The following KCNT2 variants were observed in gnomAD, a reference collection of about 807,000 sequenced individuals.
KCNT2 encodes the protein potassium sodium-activated channel subfamily T member 2, also known as potassium channel subfamily T member 2.
In KCNT2, 67 loss-of-function variants were observed where a neutral mutation model predicts 153.8. That is an observed-to-expected ratio of 0.44 (90% CI 0.36 to 0.53). The LOEUF (loss-of-function observed/expected upper bound fraction) is 0.53, where lower values mean the gene tolerates loss of function less well. Among genes scored for constraint, KCNT2 ranks in the 20% least tolerant of loss-of-function variants. The pLI is 0.00. For synonymous variants in KCNT2, 500 were observed against 458.8 expected, an observed-to-expected ratio of 1.09 and a Z score of -1.15; for missense variants, 975 against 1,354.8, an observed-to-expected ratio of 0.72 and a Z score of 4.40.
At chr1:196,228,682 A>T (rs888685740) in intron 27 of KCNT2, among the ~76,000 whole-genome samples, 1 of 152,074 alleles carries the variant, frequency 6.6e-6, no homozygotes, top group African/African-American at 2.4e-5. Context: ...TTTATGATTA[A>T]GTATGCTGTT....
At chr1:196,359,615 T>A (rs983342016) in intron 14 of KCNT2, among the ~76,000 whole-genome samples, 5 of 151,868 alleles carry the variant, frequency 3.3e-5, no homozygotes, top group Non-Finnish European at 7.4e-5. Context: ...TTGAATGAAA[T>A]TACAACCTCA....
intron 13 of KCNT2, among the ~76,000 whole-genome samples, chr1:196,391,585 G>C (rs542613391): frequency 3.4e-4 from 52 of 151,362 alleles, no homozygotes; most frequent in African/African-American, 1.1e-3. Context: ...GTCATAAGTG[G>C]CCCACAAGAA....
chr1:196,535,446 C>G (rs1456025507), intron 1 of KCNT2, among the ~76,000 whole-genome samples: 2 of 152,138 alleles, frequency 1.3e-5, no homozygotes, highest in African/African-American at 4.8e-5. Flanking sequence ...TTAATAATGA[C>G]AATTGAAAAT....
intron 23 of KCNT2, among the ~76,000 whole-genome samples, chr1:196,284,248 A>AAAAATAT: frequency 7.0e-4 from 7 of 10,048 alleles, no homozygotes; most frequent in African/African-American, 8.2e-4. Flanking sequence ...AAAAAAAAAA[A>AAAAATAT]ATATATATAT....
At chr1:196,266,392 C>A (rs1657543813) in intron 25 of KCNT2, among the ~76,000 whole-genome samples, 1 of 152,142 alleles carries the variant, frequency 6.6e-6, no homozygotes, top group Non-Finnish European at 1.5e-5. Context: ...AAATACAGGG[C>A]AAATAAATAT....
chr1:196,526,901 C>T (rs192409698), intron 1 of KCNT2, among the ~76,000 whole-genome samples: 1 of 152,258 alleles, frequency 6.6e-6, no homozygotes, highest in African/African-American at 2.4e-5. Flanking sequence ...ATGCCTCAGA[C>T]TAGTACCAGT....
chr1:196,351,061 A>G (rs1006817791), intron 14 of KCNT2, among the ~76,000 whole-genome samples: 2 of 152,108 alleles, frequency 1.3e-5, no homozygotes, highest in African/African-American at 4.8e-5. Context: ...CCACTGATCT[A>G]TATCTCTGTT....
intron 25 of KCNT2, among the ~76,000 whole-genome samples, chr1:196,263,696 C>T (rs1657246479): frequency 6.6e-6 from 1 of 152,094 alleles, no homozygotes; most frequent in East Asian, 1.9e-4. Context: ...ATCAAATTAT[C>T]TATTAAGAGA....
chr1:196,519,132 A>T (rs953382331), intron 1 of KCNT2, among the ~76,000 whole-genome samples: 1 of 152,182 alleles, frequency 6.6e-6, no homozygotes, highest in African/African-American at 2.4e-5. Flanking sequence ...ATCAAGAATA[A>T]AGAAAAAAAT....
At chr1:196,605,712 A>G (rs1665243099) in intron 1 of KCNT2, among the ~76,000 whole-genome samples, 1 of 152,164 alleles carries the variant, frequency 6.6e-6, no homozygotes, top group Non-Finnish European at 1.5e-5. Context: ...GTAATTGCAA[A>G]GAGGAATTTG....
intron 23 of KCNT2, among the ~76,000 whole-genome samples, chr1:196,284,248 A>AT (rs1553271464): frequency 1.0e-4 from 1 of 10,050 alleles, no homozygotes; most frequent in African/African-American, 1.4e-4. Flanking sequence ...AAAAAAAAAA[A>AT]ATATATATAT....
chr1:196,408,653 T>C (rs1435175797), intron 12 of KCNT2, among the ~76,000 whole-genome samples: 1 of 151,648 alleles, frequency 6.6e-6, no homozygotes, highest in African/African-American at 2.4e-5. Context: ...GGGTTACTTA[T>C]GGATGTTTTG....
intron 5 of KCNT2, among the ~76,000 whole-genome samples, chr1:196,478,297 A>G (rs2148694777): frequency 6.6e-6 from 1 of 152,324 alleles, no homozygotes; most frequent in East Asian, 1.9e-4. Flanking sequence ...GAACTTCACC[A>G]TAATGTCTAT....
At chr1:196,447,477 G>C (rs1675788961) in intron 8 of KCNT2, among the ~76,000 whole-genome samples, 1 of 151,606 alleles carries the variant, frequency 6.6e-6, no homozygotes, top group South Asian at 2.1e-4. Flanking sequence ...GCCTATTGAA[G>C]GAGAGAAAGT....
chr1:196,546,397 T>G (rs1657106221), intron 1 of KCNT2, among the ~76,000 whole-genome samples: 1 of 152,066 alleles, frequency 6.6e-6, no homozygotes, highest in Admixed American at 6.6e-5. Context: ...TTAGCTACTC[T>G]TCTTATCTTT....
At chr1:196,280,838 G>A in intron 25 of KCNT2, 22 bp downstream of exon 25, 1 of 1,602,700 alleles carries the variant, frequency 6.2e-7, no homozygotes, top group Non-Finnish European at 8.5e-7. Context: ...ATCAAAACAA[G>A]AATATTTTGT....
chr1:196,440,867 T>A (rs553619736), intron 8 of KCNT2, among the ~76,000 whole-genome samples: 1 of 151,978 alleles, frequency 6.6e-6, no homozygotes, highest in Non-Finnish European at 1.5e-5. Flanking sequence ...AAAATCAATA[T>A]GCCTCACTAA....
intron 1 of KCNT2, among the ~76,000 whole-genome samples, chr1:196,560,974 T>G (rs1287071930): frequency 6.6e-6 from 1 of 151,948 alleles, no homozygotes; most frequent in Non-Finnish European, 1.5e-5. Flanking sequence ...GCCTTTGTGG[T>G]GAGAATTTCT....
chr1:196,538,905 C>T (rs1558054583), intron 1 of KCNT2, among the ~76,000 whole-genome samples: 1 of 152,158 alleles, frequency 6.6e-6, no homozygotes, highest in Non-Finnish European at 1.5e-5. Flanking sequence ...TTGAAATGTG[C>T]TAAGAAGATT....
Sources: allele counts gnomAD v4.1 joint callset (sites outside exome capture counted in the v4.1 genomes callset), GRCh38; gene constraint gnomAD v4.1.1; transcripts MANE v1.5; gene names NCBI Gene and HGNC (gene_info 2026-07-23, HGNC 2026-07-21).